The following MVB12B variants were observed in gnomAD, a reference collection of about 807,000 sequenced individuals.
MVB12B encodes ESCRT-I complex subunit MVB12B.
In MVB12B, 16 loss-of-function variants were observed where a neutral mutation model predicts 41.6. That is an observed-to-expected ratio of 0.38 (90% confidence interval 0.26 to 0.58). MVB12B has a LOEUF of 0.58. Ranked by LOEUF, MVB12B falls within the 20% of genes least tolerant of loss-of-function variation. MVB12B has a pLI of 0.62. For missense variants in MVB12B, 274 were observed against 380.2 expected (o/e 0.72, Z 2.32); for synonymous variants, 133 against 139.7 (o/e 0.95, Z 0.34).
chr9:126,359,664 T>C (rs961993081), intron 2 of MVB12B, among the ~76,000 whole-genome samples: 1 of 152,166 alleles, frequency 6.6e-6, no homozygotes, highest in African/African-American at 2.4e-5. Context: ...ATTTTTCTAA[T>C]TCCTGGGCAT....
intron 4 of MVB12B, among the ~76,000 whole-genome samples, chr9:126,390,541 G>A (rs937418788): frequency 6.6e-6 from 1 of 152,340 alleles, no homozygotes; most frequent in Non-Finnish European, 1.5e-5. Flanking sequence ...TTACTCTAAG[G>A]CTTGATAAGT....
chr9:126,383,959 T>C (rs1187503398), intron 3 of MVB12B, among the ~76,000 whole-genome samples: 1 of 151,644 alleles, frequency 6.6e-6, no homozygotes, highest in Admixed American at 6.6e-5. Flanking sequence ...AGTTGACTTC[T>C]GTAAAACCCA....
intron 5 of MVB12B, among the ~76,000 whole-genome samples, chr9:126,393,908 C>T (rs1211709196): frequency 6.6e-6 from 1 of 152,264 alleles, no homozygotes; most frequent in Non-Finnish European, 1.5e-5. Context: ...GAGCCCAGAG[C>T]CGCCTTTGTA....
intron 2 of MVB12B, among the ~76,000 whole-genome samples, chr9:126,350,005 G>A (rs766720723): frequency 5.3e-5 from 8 of 152,118 alleles, no homozygotes; most frequent in Non-Finnish European, 7.4e-5. Context: ...ATTTGTTATC[G>A]TCAGTATTTT....
chr9:126,351,483 C>CTTTTTTTTTTT (rs34141510), intron 2 of MVB12B, among the ~76,000 whole-genome samples: 6 of 86,298 alleles, frequency 7.0e-5, no homozygotes, highest in Non-Finnish European at 8.4e-5. Flanking sequence ...GTCTTTCACT[C>CTTTTTTTTTTT]TTTTTTTTTT....
chr9:126,358,171 C>G lies in MVB12B; in HGVS notation c.204+17541C>G, dbSNP rs1002567290. Among the ~76,000 whole-genome samples, 3 of 152,124 alleles carry G rather than the reference C, an allele frequency of 2.0e-5. No homozygotes were observed. In the East Asian group the frequency reaches 5.8e-4, roughly 29 times the overall value. On this transcript the variant is annotated intron_variant, in intron 2 of 9. Coordinates refer to ENST00000361171, the MANE Select transcript of MVB12B (RefSeq NM_033446.3). ...CTAGACTCTGTTTTATTCCATTGAT[C>G]TATAAGTCTGCCTGTATGCCAAACC...
At chr9:126,328,247 G>A (rs1022148650) in intron 1 of MVB12B, among the ~76,000 whole-genome samples, 1 of 152,144 alleles carries the variant, frequency 6.6e-6, no homozygotes, top group Non-Finnish European at 1.5e-5. Flanking sequence ...AGAGAGATGA[G>A]GCTTCTGCTT....
chr9:126,414,784 A>G (rs1450015449), intron 6 of MVB12B, among the ~76,000 whole-genome samples: 1 of 151,822 alleles, frequency 6.6e-6, no homozygotes, highest in Non-Finnish European at 1.5e-5. Flanking sequence ...GCTGTCCATA[A>G]GTGCACCAGC....
chr9:126,463,223 C>T (rs1298576783), intron 7 of MVB12B, among the ~76,000 whole-genome samples: 3 of 152,098 alleles, frequency 2.0e-5, no homozygotes, highest in African/African-American at 7.2e-5. Flanking sequence ...TGTGTGTTCT[C>T]CTGCCTCCCG....
intron 7 of MVB12B, among the ~76,000 whole-genome samples, chr9:126,449,812 G>A (rs184316921): frequency 1.9e-4 from 29 of 152,282 alleles, no homozygotes; most frequent in African/African-American, 5.8e-4. Context: ...ATTGAGCTAA[G>A]TCACCTTCAT....
At chr9:126,445,975 T>C (rs1402110907) in intron 7 of MVB12B, among the ~76,000 whole-genome samples, 1 of 152,234 alleles carries the variant, frequency 6.6e-6, no homozygotes. Context: ...TTTGTATTTT[T>C]GGCTAAAACA....
intron 6 of MVB12B, among the ~76,000 whole-genome samples, chr9:126,399,180 C>T (rs1831199725): frequency 6.6e-6 from 1 of 152,234 alleles, no homozygotes; most frequent in East Asian, 1.9e-4. Flanking sequence ...TAGAAGGTAG[C>T]TTGGCAGAGC....
rs1170652212 is a variant in MVB12B, at chr9:126,391,621, C to CA, written c.410-444dup. 4.6e-5 allele frequency among the ~76,000 whole-genome samples: 7 copies of CA among 152,318 alleles called. No individual in the cohort carries two copies. Among genetic ancestry groups the CA allele is most frequent in the South Asian group, 2.1e-4 (1 of 4,822 alleles). On this transcript the variant is annotated intron_variant, in intron 4 of 9. Coordinates refer to ENST00000361171, the MANE Select transcript of MVB12B (RefSeq NM_033446.3). This position sits in a 1 kb window ranked among gnomAD's most constrained non-coding sequence, Gnocchi z 4.4. ...AGAGGAAACCAGCTTGTCCATTGTGCACAGCATTGACACTGGGTGACGGGA... is the reference window on the plus strand; with the variant it reads ...AGAGGAAACCAGCTTGTCCATTGTGCAACAGCATTGACACTGGGTGACGGGA...
intron 9 of MVB12B, among the ~76,000 whole-genome samples, chr9:126,491,038 G>C (rs1329202485): frequency 6.6e-5 from 10 of 152,192 alleles, no homozygotes; most frequent in African/African-American, 2.2e-4. Context: ...GTGTTAATTA[G>C]TAAACAGTTT....
chr9:126,390,458 C>G (rs1359721452), intron 4 of MVB12B, among the ~76,000 whole-genome samples: 1 of 152,210 alleles, frequency 6.6e-6, no homozygotes, highest in African/African-American at 2.4e-5. Context: ...TTGGTTGAAA[C>G]TCAGGTTTAA....
intron 6 of MVB12B, among the ~76,000 whole-genome samples, chr9:126,398,318 G>T (rs1018565558): frequency 2.6e-5 from 4 of 151,944 alleles, no homozygotes; most frequent in African/African-American, 9.7e-5. Context: ...CACCATAAAT[G>T]CGTCCCTGGC....
chr9:126,466,648 T>A (rs141652937), intron 7 of MVB12B, among the ~76,000 whole-genome samples: 1 of 152,120 alleles, frequency 6.6e-6, no homozygotes, highest in East Asian at 1.9e-4. Context: ...AGGAAAAAAG[T>A]GTTGTATTGT....
chr9:126,354,174 C>T (rs1016747847), intron 2 of MVB12B, among the ~76,000 whole-genome samples: 5 of 152,158 alleles, frequency 3.3e-5, no homozygotes, highest in Non-Finnish European at 7.3e-5. Context: ...GGCTGGCTTT[C>T]TCTTCCTGGT....
At chr9:126,484,130 G>C in intron 9 of MVB12B, 98 bp downstream of exon 9, 1 of 1,122,950 alleles carries the variant, frequency 8.9e-7, no homozygotes. Context: ...CCAAGAGAGG[G>C]ACAGGTGGAG....
Sources: gnomAD v4.1 joint callset for allele counts (sites outside exome capture counted in the v4.1 genomes callset) on GRCh38, gnomAD v4.1.1 for gene constraint, Gnocchi (gnomAD v3.1) non-coding constraint, MANE v1.5 for transcripts, NCBI Gene and HGNC (gene_info 2026-07-23, HGNC 2026-07-21) for gene names.